CSMD1: variants seen among roughly 807,000 people sequenced by gnomAD.
CSMD1 encodes the protein CUB and Sushi multiple domains 1.
Under a neutral mutation model 417.5 loss-of-function variants are expected in CSMD1, and 213 were observed. The ratio of observed to expected loss-of-function variants is 0.51; its 90% confidence interval spans 0.46 to 0.57. CSMD1 has a LOEUF of 0.57. Ranked by LOEUF, CSMD1 falls within the 20% of genes least tolerant of loss-of-function variation. CSMD1 has a pLI of 0.00. For synonymous variants in CSMD1, 2,862 were observed against 1,736.8 expected (o/e 1.65, Z -16.11); for missense variants, 6,923 against 4,529.7 (o/e 1.53, Z -15.17).
intron 17 of CSMD1, among the ~76,000 whole-genome samples, chr8:3,392,809 C>T (rs1811428865): frequency 1.3e-5 from 2 of 152,116 alleles, no homozygotes; most frequent in African/African-American, 2.4e-5. Flanking sequence ...CGGGGACACC[C>T]TCTGAGTGGG....
At chr8:4,149,308 T>C (rs750699886) in intron 3 of CSMD1, among the ~76,000 whole-genome samples, 1 of 152,182 alleles carries the variant, frequency 6.6e-6, no homozygotes, top group Non-Finnish European at 1.5e-5. Context: ...AGCTTTCACA[T>C]ATTCACTGAG....
chr8:4,540,459 T>C (rs1339616379), intron 2 of CSMD1, among the ~76,000 whole-genome samples: 1 of 152,036 alleles, frequency 6.6e-6, no homozygotes, highest in South Asian at 2.1e-4. Context: ...TTCCAGGACT[T>C]AGGGGAGGCT....
At chr8:4,267,609 G>A (rs937720051) in intron 3 of CSMD1, among the ~76,000 whole-genome samples, 1 of 151,824 alleles carries the variant, frequency 6.6e-6, no homozygotes, top group African/African-American at 2.4e-5. Flanking sequence ...GAAAAAAATG[G>A]ACATTTATAT....
chr8:4,156,376 A>G (rs1246316471), intron 3 of CSMD1, among the ~76,000 whole-genome samples: 1 of 152,206 alleles, frequency 6.6e-6, no homozygotes, highest in Non-Finnish European at 1.5e-5. Context: ...ATGAATGCAG[A>G]AGCCAATGGC....
intron 26 of CSMD1, among the ~76,000 whole-genome samples, chr8:3,258,400 C>T (rs1311712367): frequency 6.6e-6 from 1 of 152,172 alleles, no homozygotes; most frequent in East Asian, 1.9e-4. Flanking sequence ...GAGATACCAT[C>T]TCACACCAGT....
At chr8:3,078,064 C>T (rs1279698080) in intron 49 of CSMD1, among the ~76,000 whole-genome samples, 8 of 152,256 alleles carry the variant, frequency 5.3e-5, no homozygotes, top group Non-Finnish European at 7.4e-5. Context: ...TTTCTCAACG[C>T]GAAGCACATT....
intron 21 of CSMD1, among the ~76,000 whole-genome samples, chr8:3,351,044 T>G (rs751405082): frequency 3.0e-4 from 45 of 152,184 alleles, no homozygotes; most frequent in Non-Finnish European, 5.0e-4. Flanking sequence ...ACTTCCCAAA[T>G]CTCACTTTAT....
intron 3 of CSMD1, among the ~76,000 whole-genome samples, chr8:4,094,957 G>C (rs1346002212): frequency 2.0e-5 from 3 of 152,192 alleles, no homozygotes; most frequent in Non-Finnish European, 2.9e-5. Context: ...TGGGGAGATA[G>C]TGAATAAAGT....
intron 10 of CSMD1, among the ~76,000 whole-genome samples, chr8:3,568,378 C>A (rs538265247): frequency 3.8e-4 from 58 of 152,188 alleles, no homozygotes; most frequent in African/African-American, 1.3e-3. Flanking sequence ...TGAGTCTGTA[C>A]AGTTTTTGTC....
chr8:3,573,040 T>A (rs1800007591), intron 10 of CSMD1, among the ~76,000 whole-genome samples: 1 of 152,134 alleles, frequency 6.6e-6, no homozygotes, highest in Non-Finnish European at 1.5e-5. Context: ...AACTCTTTTT[T>A]GTTAGACAAA....
At chr8:3,561,066 A>G (rs1211753279) in intron 10 of CSMD1, among the ~76,000 whole-genome samples, 1 of 152,190 alleles carries the variant, frequency 6.6e-6, no homozygotes, top group Non-Finnish European at 1.5e-5. Context: ...TAATCATCAA[A>G]GAAATACACA....
chr8:3,482,810 A>T (rs768979499), intron 11 of CSMD1, among the ~76,000 whole-genome samples: 13 of 152,226 alleles, frequency 8.5e-5, no homozygotes, highest in Non-Finnish European at 1.5e-4. Flanking sequence ...CAAACTAGAA[A>T]TCAGTTATTA....
intron 2 of CSMD1, among the ~76,000 whole-genome samples, chr8:4,566,396 G>A (rs545133445): frequency 1.3e-5 from 2 of 152,098 alleles, no homozygotes; most frequent in African/African-American, 4.8e-5. Context: ...GCTCATGCCT[G>A]TAATCCCATC....
intron 2 of CSMD1, among the ~76,000 whole-genome samples, chr8:4,622,925 G>T: frequency 6.6e-6 from 1 of 152,040 alleles, no homozygotes; most frequent in Admixed American, 6.6e-5. Context: ...ACGGAATACA[G>T]ATTAATATTT....
intron 37 of CSMD1, among the ~76,000 whole-genome samples, chr8:3,178,260 T>A (rs1821065503): frequency 6.6e-6 from 1 of 152,140 alleles, no homozygotes; most frequent in Admixed American, 6.6e-5. Flanking sequence ...TTGGATGTAC[T>A]ATGGTTAAGG....
intron 7 of CSMD1, among the ~76,000 whole-genome samples, chr8:3,633,686 C>G (rs1401372489): frequency 6.6e-6 from 1 of 152,094 alleles, no homozygotes; most frequent in Non-Finnish European, 1.5e-5. Context: ...GTATATAAAT[C>G]TGAAAACATT....
intron 5 of CSMD1, among the ~76,000 whole-genome samples, chr8:3,934,059 C>G (rs921262374): frequency 2.6e-5 from 4 of 152,156 alleles, no homozygotes; most frequent in Admixed American, 2.0e-4. Context: ...CACTGAGTAT[C>G]AGTGACACCA....
chr8:3,519,052 T>C (rs1341087735), intron 10 of CSMD1, among the ~76,000 whole-genome samples: 1 of 152,194 alleles, frequency 6.6e-6, no homozygotes, highest in Non-Finnish European at 1.5e-5. Context: ...ATTTTAAAAA[T>C]CCTCTTAAAA....
intron 2 of CSMD1, among the ~76,000 whole-genome samples, chr8:4,548,273 A>G (rs1797719422): frequency 6.6e-6 from 1 of 152,326 alleles, no homozygotes; most frequent in South Asian, 2.1e-4. Context: ...AAAACTATCG[A>G]AAAAAGTTCA....
Sources: allele counts gnomAD v4.1 joint callset (sites outside exome capture counted in the v4.1 genomes callset), GRCh38; gene constraint gnomAD v4.1.1; transcripts MANE v1.5; gene names NCBI Gene and HGNC (gene_info 2026-07-23, HGNC 2026-07-21).